Variants in DNAH17 observed in about 807,000 individuals in gnomAD.
DNAH17 encodes dynein axonemal heavy chain 17.
Under a neutral mutation model 485.6 loss-of-function variants are expected in DNAH17, and 376 were observed. The observed-to-expected ratio is 0.77, with a 90% CI of 0.71 to 0.84. The LOEUF (loss-of-function observed/expected upper bound fraction) is 0.84. DNAH17 is among the 40% of genes least tolerant of loss of function. The pLI is 0.00. For synonymous variants in DNAH17, 3,031 were observed against 2,405.9 expected (o/e 1.26, Z -7.60); for missense variants, 6,370 against 5,839.3 (o/e 1.09, Z -2.96).
intron 19 of DNAH17, chr17:78,533,179 T>A (rs1172051112): frequency 5.3e-6 from 1 of 188,050 alleles, no homozygotes; most frequent in African/African-American, 2.4e-5. Context: ...ATTCATTCAT[T>A]CGATAGCTCG....
At chr17:78,534,339 G>C (rs946880322) in intron 19 of DNAH17, among the ~76,000 whole-genome samples, 1 of 151,714 alleles carries the variant, frequency 6.6e-6, no homozygotes, top group Non-Finnish European at 1.5e-5. Flanking sequence ...TGTAATTGAG[G>C]AGGTGAAGTC....
At chr17:78,507,172 G>T (rs2090508125) in intron 29 of DNAH17, 106 bp downstream of exon 29, 1 of 1,304,532 alleles carries the variant, frequency 7.7e-7, no homozygotes, top group Non-Finnish European at 1.1e-6. Flanking sequence ...CCATGGTTTT[G>T]CCCTGTCCTG....
At chr17:78,432,355 G>A (rs1357930864) in intron 75 of DNAH17, among the ~76,000 whole-genome samples, 1 of 149,414 alleles carries the variant, frequency 6.7e-6, no homozygotes, top group African/African-American at 2.5e-5. Flanking sequence ...TGTTCTGGGT[G>A]AAATGTCCGG....
chr17:78,462,376 C>G (rs1240934658), intron 57 of DNAH17, among the ~76,000 whole-genome samples: 1 of 151,928 alleles, frequency 6.6e-6, no homozygotes. Flanking sequence ...CACAGGGTGT[C>G]AATGGTGGGC....
At chr17:78,449,981 GTTTGT>G (rs1335017193) in intron 68 of DNAH17, 3 of 517,340 alleles carry the variant, frequency 5.8e-6, no homozygotes, top group Non-Finnish European at 1.0e-5. Context: ...AGGCCATCCA[GTTTGT>G]TTTGATTGGG....
intron 42 of DNAH17, among the ~76,000 whole-genome samples, chr17:78,491,846 T>C (rs562892673): frequency 1.3e-5 from 2 of 152,228 alleles, no homozygotes; most frequent in South Asian, 2.1e-4. Flanking sequence ...CTGGCTCAGT[T>C]TTTCCAGGCT....
Position 78,502,876 on chromosome 17 carries a change from C to A in DNAH17, c.5082+10G>T, listed in dbSNP as rs752234647. 3.1e-6 allele frequency: 5 copies of A among 1,611,070 alleles called. No homozygotes were observed. The highest frequency in any genetic ancestry group is 4.2e-6 in the Non-Finnish European group (5 of 1,178,728). Reference sequence around the variant, plus strand: ...CACGAGGCGCCGCCGAGCCCCCACCCGCCTCAGACCTGGGCTGGGTAGTCC... The same window carrying A: ...CACGAGGCGCCGCCGAGCCCCCACCAGCCTCAGACCTGGGCTGGGTAGTCC... On this transcript the variant is annotated intron_variant, in intron 32 of 80. Coordinates refer to ENST00000389840, the MANE Select transcript of DNAH17 (RefSeq NM_173628.4).
At chr17:78,504,610 T>A (rs1389307025) in intron 31 of DNAH17, among the ~76,000 whole-genome samples, 1 of 152,162 alleles carries the variant, frequency 6.6e-6, no homozygotes, top group Non-Finnish European at 1.5e-5. Context: ...TGTATTTTCC[T>A]CAGGCTGATG....
intron 1 of DNAH17, among the ~76,000 whole-genome samples, chr17:78,576,968 G>C (rs1321033618): frequency 6.6e-6 from 1 of 152,192 alleles, no homozygotes; most frequent in Non-Finnish European, 1.5e-5. Flanking sequence ...CGGCTTCTCT[G>C]GGAGGTGGCC....
Position 78,494,080 on chromosome 17 carries a change from G to C in DNAH17, c.6364C>G (p.His2122Asp), listed in dbSNP as rs755429292. ...VQLEELLQVR[H>D]SVFIVGNAGS... The stretch of plus-strand genomic sequence containing the variant: ...GCATTCCCGACGATGAACACGGAGT[G>C]GCGGACCTGCAGCAGCTCCTCCAGC... The change falls in exon 41 of 81, where the codon CAC becomes GAC. Residue 2122 changes from histidine (H) to aspartate (D), a missense_variant. Coordinates refer to ENST00000389840, the MANE Select transcript of DNAH17 (RefSeq NM_173628.4). 120 of 1,612,716 alleles carry C rather than the reference G, an allele frequency of 7.4e-5. No individual in the cohort carries two copies. Among genetic ancestry groups the C allele is most frequent in the Non-Finnish European group, 9.2e-5 (109 of 1,179,842 alleles).
chr17:78,458,495 G>T, intron 62 of DNAH17, 70 bp downstream of exon 62: 1 of 1,335,196 alleles, frequency 7.5e-7, no homozygotes, highest in Admixed American at 1.8e-5. Context: ...TCCTCCCAAG[G>T]CAGTTGTGTG....
At chr17:78,548,548 A>G (rs866922783) in intron 16 of DNAH17, among the ~76,000 whole-genome samples, 24 of 152,308 alleles carry the variant, frequency 1.6e-4, no homozygotes, top group Middle Eastern at 3.4e-3. Flanking sequence ...TTTACTAAAT[A>G]AAGAGCTTCA....
At chr17:78,476,926 G>A (rs4969208) in intron 51 of DNAH17, among the ~76,000 whole-genome samples, 193 bp from the exon 52 acceptor site, 2 of 152,290 alleles carry the variant, frequency 1.3e-5, no homozygotes, top group African/African-American at 4.8e-5. Flanking sequence ...GCCAGTGTGT[G>A]TGTGTGTCCT....
chr17:78,447,447 C>A (rs917156008), intron 69 of DNAH17, among the ~76,000 whole-genome samples: 1 of 152,170 alleles, frequency 6.6e-6, no homozygotes, highest in African/African-American at 2.4e-5. Context: ...GGGCAGCTAA[C>A]CTGGCACCCT....
rs763324057 is a variant in DNAH17 at position 78,486,307 on chromosome 17, G to T, written c.7018C>A (p.Pro2340Thr). Residue 2340 changes from proline (P) to threonine (T), a missense_variant, in exon 45 of 81, where the codon CCC (proline) becomes ACC (threonine). Pro to Thr is a conservative substitution (Grantham distance 38, BLOSUM62 -1). Transcript: ENST00000389840. ...ECLLTEKTVP[P>T]DSPRELYELY... Reference sequence around the variant, plus strand: ...TCGTACAGCTCCCTGGGGGAGTCGGGGGGCACGGTCTTCTCCGTGAGCAGG... The same window carrying T: ...TCGTACAGCTCCCTGGGGGAGTCGGTGGGCACGGTCTTCTCCGTGAGCAGG... The T allele has an allele frequency of 2.2e-5, 36 of 1,613,174 alleles. No individual in the cohort carries two copies. Among genetic ancestry groups the T allele is most frequent in the Non-Finnish European group, 3.1e-5 (36 of 1,179,368 alleles).
In DNAH17 at chr17:78,501,174, C is replaced by T. The variant is rs371766441; in HGVS notation, c.5483+10G>A. 32 of 1,564,286 alleles carry T rather than the reference C, an allele frequency of 2.0e-5. No homozygotes were observed. The highest frequency in any genetic ancestry group is 1.7e-4 in the Middle Eastern group (1 of 5,948). On this transcript the variant is annotated intron_variant, in intron 35 of 80. Transcript: ENST00000389840. Reference sequence around the variant, plus strand: ...AGAGCACATGTGAGTTACTCAGGGACGGGCCTCACCTGTCAGTGAGTGGGG... The same window carrying T: ...AGAGCACATGTGAGTTACTCAGGGATGGGCCTCACCTGTCAGTGAGTGGGG...
Position 78,500,996 on chromosome 17 carries a change from C to G in DNAH17, c.5483+188G>C, listed in dbSNP as rs373950998. On this transcript the variant is annotated intron_variant, in intron 35 of 80. Transcript: ENST00000389840. The stretch of plus-strand genomic sequence containing the variant: ...GCCCACAGAGGGGTGCAGGAACTCT[C>G]CCAAGGCCACACAGCCGGTGCTAGA... The G allele has an allele frequency of 1.1e-4, 64 of 607,774 alleles. No homozygotes were observed. The African/African-American group carries it at 1.2e-3, about 11-fold the overall frequency. The allele number at this position is 607,774 out of a possible 1,614,324, so 37.6% of individuals were successfully genotyped here.
At chr17:78,475,929 G>C in intron 52 of DNAH17, 96 bp from the exon 53 acceptor site, 1 of 1,391,980 alleles carries the variant, frequency 7.2e-7, no homozygotes, top group South Asian at 1.4e-5. Context: ...AGGTGGCCTA[G>C]GAGGTCACCA....
intron 55 of DNAH17, 79 bp from the exon 56 acceptor site, chr17:78,466,895 T>A: frequency 4.3e-6 from 6 of 1,406,588 alleles, no homozygotes; most frequent in Non-Finnish European, 5.6e-6. Context: ...CAGAAAGCTC[T>A]GCCAGAAAGC....
Sources: gnomAD v4.1 joint callset for allele counts (sites outside exome capture counted in the v4.1 genomes callset) on GRCh38, gnomAD v4.1.1 for gene constraint, MANE v1.5 for transcripts, NCBI Gene and HGNC (gene_info 2026-07-23, HGNC 2026-07-21) for gene names.